Variants in NSMCE1 observed in about 807,000 individuals in gnomAD.
NSMCE1 encodes the protein non-structural maintenance of chromosomes element 1 homolog.
In NSMCE1, 18 loss-of-function variants were observed where a neutral mutation model predicts 29.6. The ratio of observed to expected loss-of-function variants is 0.61; its 90% CI spans 0.42 to 0.90. NSMCE1 has a LOEUF of 0.90. Ranked by LOEUF, NSMCE1 falls within the 40% of genes least tolerant of loss-of-function variation. The probability of loss-of-function intolerance (pLI) is 0.00; values close to 1 mark genes in which losing one functional copy is unlikely to be tolerated. For synonymous variants in NSMCE1, 124 were observed against 133.4 expected, an observed-to-expected ratio of 0.93 and a Z score of 0.49; for missense variants, 314 against 343.6, an observed-to-expected ratio of 0.91 and a Z score of 0.68.
chr16:27,242,428 T>C (rs1453116228), intron 2 of NSMCE1, among the ~76,000 whole-genome samples: 5 of 152,254 alleles, frequency 3.3e-5, no homozygotes, highest in Admixed American at 2.6e-4. Context: ...ATCTGCTCTT[T>C]AGCCTCACTC....
chr16:27,267,986 GC>G (rs998079455), intron 1 of NSMCE1, among the ~76,000 whole-genome samples: 3 of 151,926 alleles, frequency 2.0e-5, no homozygotes, highest in Non-Finnish European at 2.9e-5. Flanking sequence ...CAGGTGATCC[GC>G]CCCCCTCAGC....
rs558517271 is a variant in NSMCE1 at position 27,259,197 on chromosome 16, C to T, written c.-11-1616G>A. On this transcript the variant is annotated intron_variant, in intron 1 of 7. Transcript: ENST00000361439. ...ACAAAGCCTACGTTAGACTCATCCT[C>T]TCCTTCCACCTCCTTAGCCCCTTTC... Among the ~76,000 whole-genome samples, 79 of 152,308 alleles carry T rather than the reference C, an allele frequency of 5.2e-4. 1 individual carries two copies. Among genetic ancestry groups the T allele is most frequent in the African/African-American group, 1.8e-3 (74 of 41,558 alleles).
chr16:27,247,225 G>A (rs1205015832), intron 2 of NSMCE1, among the ~76,000 whole-genome samples: 6 of 152,188 alleles, frequency 3.9e-5, no homozygotes, highest in Non-Finnish European at 7.3e-5. Flanking sequence ...GAATCATGGG[G>A]GCAGTTACCC....
chr16:27,226,020 C>T, intron 6 of NSMCE1, 174 bp from the exon 7 acceptor site: 1 of 695,876 alleles, frequency 1.4e-6, no homozygotes, highest in South Asian at 1.9e-5. Flanking sequence ...CTTTTGTTTG[C>T]TTGCTGCTTG....
At chr16:27,263,475 T>C (rs2084184822) in intron 1 of NSMCE1, among the ~76,000 whole-genome samples, 1 of 152,124 alleles carries the variant, frequency 6.6e-6, no homozygotes, top group Non-Finnish European at 1.5e-5. Flanking sequence ...TTCTCACTTA[T>C]AAGTGGGAGT....
intron 2 of NSMCE1, among the ~76,000 whole-genome samples, chr16:27,250,307 T>G (rs187927053): frequency 6.6e-6 from 1 of 152,332 alleles, no homozygotes; most frequent in African/African-American, 2.4e-5. Flanking sequence ...ACAGACATTC[T>G]TGTCTTTCTC....
intron 2 of NSMCE1, chr16:27,241,924 A>G: frequency 4.8e-6 from 2 of 420,402 alleles, no homozygotes; most frequent in Non-Finnish European, 4.8e-6. Flanking sequence ...AGTCTAGACC[A>G]GAAATCAGAT....
intron 2 of NSMCE1, among the ~76,000 whole-genome samples, chr16:27,248,538 G>A (rs2083984314): frequency 1.3e-5 from 2 of 148,244 alleles, no homozygotes; most frequent in East Asian, 2.1e-4. Flanking sequence ...AGCCTCCCAA[G>A]TAGCTGGGAC....
chr16:27,239,839 C>T (rs1311495540), intron 2 of NSMCE1, among the ~76,000 whole-genome samples: 1 of 152,220 alleles, frequency 6.6e-6, no homozygotes, highest in Non-Finnish European at 1.5e-5. Context: ...TATCTGTGTT[C>T]TCTCTACTTG....
At chr16:27,257,309 T>C (rs2084097844) in intron 2 of NSMCE1, 126 bp downstream of exon 2, 3 of 706,400 alleles carry the variant, frequency 4.2e-6, no homozygotes, top group African/African-American at 1.8e-5. Context: ...CGTGTAAGAT[T>C]GTGAAGAGGC....
rs181763331 is a variant in NSMCE1, at chr16:27,232,781, G to A, written c.483+220C>T. Among the ~76,000 whole-genome samples the A allele has an allele frequency of 6.6e-6, 1 of 152,356 alleles. No homozygotes were observed. The highest frequency in any genetic ancestry group is 1.9e-4 in the East Asian group (1 of 5,190). Reference sequence around the variant, plus strand: ...TCCTGGCTCTGCCATTCTGGCTGTGGCATCCTGAACACATCATCTGGGTGA... The same window carrying A: ...TCCTGGCTCTGCCATTCTGGCTGTGACATCCTGAACACATCATCTGGGTGA... On this transcript the variant is annotated intron_variant, in intron 5 of 7. Transcript: ENST00000361439. This position sits in a 1 kb window ranked among gnomAD's most constrained non-coding sequence, Gnocchi z 4.5.
In NSMCE1 at chr16:27,225,288, CAG is replaced by C. The variant is rs750660862; in HGVS notation, c.722-54_722-53del. 1.3e-4 allele frequency: 139 copies of C among 1,085,974 alleles called. 2 individuals are homozygous for C. The South Asian group carries it at 1.7e-3, about 13-fold the overall frequency. 67.3% of individuals were successfully genotyped at this position (1,085,974 alleles called of 1,614,324 possible). A position where few individuals can be genotyped will look rare whatever the true frequency, so the allele number is the denominator to read the frequency against. On this transcript the variant is annotated intron_variant, in intron 7 of 7. Transcript: ENST00000361439. Reference sequence around the variant, plus strand: ...ACAGTGAATGGAGGGGCTGGCAGCACAGGGGCACCAGCTGGAGCCAGCAGCTA... The same window carrying C: ...ACAGTGAATGGAGGGGCTGGCAGCACGGGCACCAGCTGGAGCCAGCAGCTA...
At chr16:27,265,487 C>T (rs2084213809) in intron 1 of NSMCE1, among the ~76,000 whole-genome samples, 1 of 152,028 alleles carries the variant, frequency 6.6e-6, no homozygotes, top group East Asian at 1.9e-4. Flanking sequence ...TTATTGTAAC[C>T]ATTTCAGATA....
intron 5 of NSMCE1, among the ~76,000 whole-genome samples, chr16:27,227,059 A>T (rs1430875736): frequency 6.6e-6 from 1 of 152,200 alleles, no homozygotes; most frequent in African/African-American, 2.4e-5. Flanking sequence ...TGGCTCCCTG[A>T]CACCCGCCTT....
chr16:27,236,747 A>G (rs1018112287), intron 2 of NSMCE1, among the ~76,000 whole-genome samples: 30 of 152,362 alleles, frequency 2.0e-4, no homozygotes, highest in Non-Finnish European at 4.1e-4. Flanking sequence ...TGATACATTC[A>G]TGTGTGAAAC....
At chr16:27,255,624 G>A (rs2084078935) in intron 2 of NSMCE1, among the ~76,000 whole-genome samples, 1 of 152,182 alleles carries the variant, frequency 6.6e-6, no homozygotes, top group South Asian at 2.1e-4. Flanking sequence ...CCAGTGCTCT[G>A]GAGAACGCAG....
chr16:27,244,377 C>T (rs2140999640), intron 2 of NSMCE1, among the ~76,000 whole-genome samples: 1 of 152,340 alleles, frequency 6.6e-6, no homozygotes, highest in Middle Eastern at 3.4e-3. Context: ...AGACAACAGC[C>T]TCCAACATTC....
chr16:27,267,955 C>T (rs917631867), intron 1 of NSMCE1, among the ~76,000 whole-genome samples: 3 of 152,092 alleles, frequency 2.0e-5, no homozygotes, highest in African/African-American at 7.2e-5. Flanking sequence ...ATTAGCCAGG[C>T]TGGTTTCGAA....
intron 2 of NSMCE1, among the ~76,000 whole-genome samples, chr16:27,256,045 T>C (rs1294254371): frequency 6.6e-6 from 1 of 152,216 alleles, no homozygotes; most frequent in African/African-American, 2.4e-5. Flanking sequence ...AGGATGCCTG[T>C]GGACTAAGAA....
Sources: allele counts gnomAD v4.1 joint callset (sites outside exome capture counted in the v4.1 genomes callset), GRCh38; gene constraint gnomAD v4.1.1; non-coding constraint Gnocchi (gnomAD v3.1); transcripts MANE v1.5; gene names NCBI Gene and HGNC (gene_info 2026-07-23, HGNC 2026-07-21).